The following LRRFIP2 variants were observed in gnomAD, a reference collection of about 807,000 sequenced individuals.
LRRFIP2 encodes the protein LRR binding FLII interacting protein 2, also known as leucine-rich repeat flightless-interacting protein 2.
LRRFIP2 carries 109 observed loss-of-function variants against 125.9 expected under a neutral mutation model. That is an observed-to-expected ratio of 0.87 (90% CI 0.74 to 1.01). The LOEUF is 1.01. LRRFIP2 is among the 50% of genes least tolerant of loss of function. LRRFIP2 has a pLI of 0.00. For synonymous variants in LRRFIP2, 291 were observed against 293.1 expected (o/e 0.99, Z 0.07); for missense variants, 850 against 862.3 (o/e 0.99, Z 0.18).
At chr3:37,135,715 G>A (rs1029913537) in intron 2 of LRRFIP2, among the ~76,000 whole-genome samples, 1 of 152,138 alleles carries the variant, frequency 6.6e-6, no homozygotes, top group African/African-American at 2.4e-5. Flanking sequence ...AGTCATTAAA[G>A]AAATGTAAAT....
intron 1 of LRRFIP2, among the ~76,000 whole-genome samples, chr3:37,158,636 A>G (rs1387226299): frequency 1.3e-5 from 2 of 151,826 alleles, no homozygotes; most frequent in African/African-American, 2.4e-5. Flanking sequence ...AATAAAGCAG[A>G]AAACAGGAAA....
intron 19 of LRRFIP2, among the ~76,000 whole-genome samples, chr3:37,076,505 C>T (rs968883487): frequency 1.3e-5 from 2 of 149,662 alleles, no homozygotes; most frequent in Admixed American, 6.6e-5. Context: ...TCCAGCCTGA[C>T]GACGGAGTGA....
chr3:37,168,394 G>A (rs1174863966), intron 1 of LRRFIP2, among the ~76,000 whole-genome samples: 1 of 152,186 alleles, frequency 6.6e-6, no homozygotes, highest in African/African-American at 2.4e-5. Flanking sequence ...GAATCTTGAA[G>A]ACATCATGCT....
chr3:37,149,036 G>A lies in LRRFIP2; in HGVS notation c.-53C>T. ...TGAAAGTGATTTAACTGTGTTTTCA[G>A]CCCTGAAGTAAACAAAAACATAATA... is the stretch of plus-strand genomic sequence containing the variant. On this transcript the variant is annotated splice_region_variant and 5_prime_UTR_variant, in exon 2 of 28. Coordinates refer to ENST00000336686, the MANE Select transcript of LRRFIP2 (RefSeq NM_006309.4). 2 of 1,596,604 alleles carry A rather than the reference G, an allele frequency of 1.3e-6. No individual in the cohort carries two copies. The highest frequency in any genetic ancestry group is 1.7e-6 in the Non-Finnish European group (2 of 1,172,774).
At chr3:37,164,949 C>T (rs950170818) in intron 1 of LRRFIP2, among the ~76,000 whole-genome samples, 3 of 152,028 alleles carry the variant, frequency 2.0e-5, no homozygotes, top group African/African-American at 7.2e-5. Context: ...ATAAGACTGT[C>T]TTCCAGCCTG....
chr3:37,148,313 CAGTCATG>C (rs2095911627), intron 2 of LRRFIP2, among the ~76,000 whole-genome samples: 1 of 152,048 alleles, frequency 6.6e-6, no homozygotes, highest in Non-Finnish European at 1.5e-5. Context: ...AATTAAATTA[CAGTCATG>C]AGATGAGGGA....
chr3:37,089,756 T>C (rs1197795198), intron 18 of LRRFIP2, among the ~76,000 whole-genome samples: 2 of 152,054 alleles, frequency 1.3e-5, no homozygotes, highest in Admixed American at 1.3e-4. Context: ...ATTGCTTTCC[T>C]GATACACTGT....
At chr3:37,135,000 A>G (rs2095521735) in intron 2 of LRRFIP2, 1 of 1,518,042 alleles carries the variant, frequency 6.6e-7, no homozygotes, top group Non-Finnish European at 9.1e-7. Context: ...TGTGATCCAA[A>G]CCCAGATGAC....
intron 25 of LRRFIP2, 147 bp downstream of exon 25, chr3:37,058,643 C>CT: frequency 2.5e-6 from 2 of 810,946 alleles, no homozygotes; most frequent in Admixed American, 2.4e-5. Flanking sequence ...CCACTGCACT[C>CT]TGACCTGGGT....
intron 8 of LRRFIP2, among the ~76,000 whole-genome samples, chr3:37,112,547 GAATGAA>G (rs781597102): frequency 5.3e-5 from 8 of 151,998 alleles, no homozygotes; most frequent in Non-Finnish European, 1.2e-4. Context: ...CAAACTTTTA[GAATGAA>G]ACCTATTTGT....
Position 37,054,443 on chromosome 3 carries a change from A to G in LRRFIP2, c.2023T>C (p.Leu675=), listed in dbSNP as rs767234194. 59 of 1,613,830 alleles carry G rather than the reference A, an allele frequency of 3.7e-5. No individual in the cohort carries two copies. In the East Asian group the frequency reaches 1.2e-3, roughly 32 times the overall value. ...TGTAGCTTCCGTTTTTCTGCTTTCA[A>G]TTCATCTTCAACTTTCTCAGCATTC... is the stretch of plus-strand genomic sequence containing the variant. ...AENAEKVEDE[L]KAEKRKLQRE... is the part of the protein sequence containing the mutation. The change falls in exon 27 of 28, where the codon TTG becomes CTG. Residue 675 remains leucine (L), a synonymous_variant. Transcript: ENST00000336686.
rs199964817 is a variant in LRRFIP2 at position 37,091,555 on chromosome 3, T to C, written c.1036-17A>G. The C allele has an allele frequency of 3.8e-6, 6 of 1,569,058 alleles. No individual in the cohort carries two copies. The highest frequency in any genetic ancestry group is 2.3e-5 in the East Asian group (1 of 44,102). The stretch of plus-strand genomic sequence containing the variant: ...ATAGATATCCTGCAGGACATAGGAA[T>C]GAACCATTGCATAAAACCATGCACA... On this transcript the variant is annotated splice_polypyrimidine_tract_variant and intron_variant, in intron 17 of 27. Coordinates refer to ENST00000336686, the MANE Select transcript of LRRFIP2 (RefSeq NM_006309.4).
intron 19 of LRRFIP2, 130 bp from the exon 20 acceptor site, chr3:37,075,246 G>A: frequency 2.0e-6 from 1 of 512,772 alleles, no homozygotes; most frequent in Non-Finnish European, 3.4e-6. Context: ...TAGTAACTTA[G>A]AAAAATTGTG....
At chr3:37,153,088 A>T (rs1267908925) in intron 1 of LRRFIP2, among the ~76,000 whole-genome samples, 1 of 152,184 alleles carries the variant, frequency 6.6e-6, no homozygotes, top group East Asian at 1.9e-4. Context: ...TTTCAATAGC[A>T]TTAAGGAAAA....
At chr3:37,100,361 C>CACAT (rs534762449) in intron 15 of LRRFIP2, among the ~76,000 whole-genome samples, 58 of 145,038 alleles carry the variant, frequency 4.0e-4, no homozygotes, top group Middle Eastern at 3.4e-3. Context: ...TATATATATA[C>CACAT]ACATACATAC....
chr3:37,126,176 C>T (rs2095266653), intron 4 of LRRFIP2, among the ~76,000 whole-genome samples: 1 of 151,156 alleles, frequency 6.6e-6, no homozygotes, highest in Non-Finnish European at 1.5e-5. Flanking sequence ...ATTACAGGCG[C>T]CCGCCAGCGT....
intron 2 of LRRFIP2, among the ~76,000 whole-genome samples, chr3:37,142,744 G>A (rs985860797): frequency 6.6e-6 from 1 of 152,092 alleles, no homozygotes; most frequent in African/African-American, 2.4e-5. Flanking sequence ...ATCACTTCGG[G>A]AGAAAACCAA....
chr3:37,091,588 C>CTGAATCCTTTGCGAT, intron 17 of LRRFIP2, 50 bp from the exon 18 acceptor site: 1 of 1,284,072 alleles, frequency 7.8e-7, no homozygotes, highest in African/African-American at 1.5e-5. Context: ...ACAAACGTAT[C>CTGAATCCTTTGCGAT]TTAAATCGCA....
At chr3:37,145,562 G>A (rs887156512) in intron 2 of LRRFIP2, among the ~76,000 whole-genome samples, 3 of 152,060 alleles carry the variant, frequency 2.0e-5, no homozygotes, top group African/African-American at 7.2e-5. Flanking sequence ...ACTTCAAATG[G>A]GTGAATGTTA....
Sources: allele counts gnomAD v4.1 joint callset (sites outside exome capture counted in the v4.1 genomes callset), GRCh38; gene constraint gnomAD v4.1.1; transcripts MANE v1.5; gene names NCBI Gene and HGNC (gene_info 2026-07-23, HGNC 2026-07-21).